The following ABLIM3 variants were observed in gnomAD, a reference collection of about 807,000 sequenced individuals.
The protein encoded by ABLIM3 is actin binding LIM protein family member 3.
ABLIM3 carries 61 observed loss-of-function variants against 109.5 expected under a neutral mutation model. The ratio of observed to expected loss-of-function variants is 0.56; its 90% CI spans 0.45 to 0.69. The LOEUF is 0.69. ABLIM3 is among the 30% of genes least tolerant of loss of function. The pLI is 0.00. For missense variants in ABLIM3, 796 were observed against 889.5 expected, an observed-to-expected ratio of 0.89 and a Z score of 1.34; for synonymous variants, 300 against 324.8, an observed-to-expected ratio of 0.92 and a Z score of 0.82.
chr5:149,237,034 G>A (rs1302197667), intron 10 of ABLIM3, among the ~76,000 whole-genome samples: 1 of 152,160 alleles, frequency 6.6e-6, no homozygotes, highest in Non-Finnish European at 1.5e-5. Flanking sequence ...TCCTCACTCT[G>A]TGGGATCGGA....
intron 14 of ABLIM3, among the ~76,000 whole-genome samples, chr5:149,241,587 T>G (rs1174252553): frequency 6.6e-6 from 1 of 152,156 alleles, no homozygotes; most frequent in Non-Finnish European, 1.5e-5. Flanking sequence ...GGTGAAACGC[T>G]GTCTCTACTA....
At chr5:149,244,038 T>C (rs1753111037) in intron 15 of ABLIM3, 1 of 152,268 alleles carries the variant, frequency 6.6e-6, no homozygotes, top group African/African-American at 2.4e-5. Flanking sequence ...ACAGAGCTTG[T>C]CCCTAAAGCT....
intron 6 of ABLIM3, among the ~76,000 whole-genome samples, chr5:149,209,443 A>G (rs1480527520): frequency 6.6e-6 from 1 of 152,190 alleles, no homozygotes; most frequent in African/African-American, 2.4e-5. Flanking sequence ...ATAAAAATGG[A>G]GAGAAGATGA....
intron 5 of ABLIM3, among the ~76,000 whole-genome samples, chr5:149,202,815 C>G (rs1015361963): frequency 6.6e-6 from 1 of 152,144 alleles, no homozygotes; most frequent in Non-Finnish European, 1.5e-5. Context: ...GAAGAATCAG[C>G]AACAGTAGCA....
chr5:149,170,022 G>T (rs545082684), intron 2 of ABLIM3, among the ~76,000 whole-genome samples: 12 of 152,158 alleles, frequency 7.9e-5, no homozygotes, highest in Non-Finnish European at 1.3e-4. Context: ...GTGCAGGTTT[G>T]TTATATATGT....
intron 6 of ABLIM3, among the ~76,000 whole-genome samples, chr5:149,207,822 A>G (rs764561633): frequency 3.9e-5 from 6 of 152,214 alleles, no homozygotes; most frequent in Non-Finnish European, 7.3e-5. Flanking sequence ...ATGGGTGCAT[A>G]GTTATCCAGA....
chr5:149,233,121 A>C, intron 9 of ABLIM3, 108 bp from the exon 10 acceptor site: 6 of 934,556 alleles, frequency 6.4e-6, no homozygotes, highest in Non-Finnish European at 1.1e-5. Flanking sequence ...GTAGCCAGAG[A>C]GTACTTTAAT....
At chr5:149,233,349 G>C (rs1308019733) in intron 10 of ABLIM3, 49 bp downstream of exon 10, 15 of 1,558,720 alleles carry the variant, frequency 9.6e-6, no homozygotes, top group Non-Finnish European at 1.2e-5. Flanking sequence ...TTCCTGACCT[G>C]GTATATAAAG....
At chr5:149,202,321 G>C (rs1210199461) in intron 5 of ABLIM3, among the ~76,000 whole-genome samples, 1 of 152,212 alleles carries the variant, frequency 6.6e-6, no homozygotes, top group East Asian at 1.9e-4. Flanking sequence ...GTCAAGAGGA[G>C]CAAATGAGCA....
chr5:149,224,796 A>G (rs1396123388), intron 8 of ABLIM3, among the ~76,000 whole-genome samples: 1 of 152,056 alleles, frequency 6.6e-6, no homozygotes, highest in African/African-American at 2.4e-5. Context: ...CTCAAACCAA[A>G]CCTATGAGGC....
In ABLIM3 at chr5:149,250,522, G is replaced by A; in HGVS notation, c.1788+17G>A. The A allele has an allele frequency of 6.2e-7, 1 of 1,614,050 alleles. No individual in the cohort carries two copies. Among genetic ancestry groups the A allele is most frequent in the South Asian group, 1.1e-5 (1 of 91,076 alleles). ...CTGCACAGGGTAAGAAGCTGTGCTG[G>A]AGGATGGGGGAGGACGTTGTCCCCA... On this transcript the variant is annotated intron_variant, in intron 20 of 23. Coordinates refer to ENST00000309868, the MANE Select transcript of ABLIM3 (RefSeq NM_014945.5).
intron 2 of ABLIM3, among the ~76,000 whole-genome samples, chr5:149,163,039 G>T (rs1427998104): frequency 1.3e-5 from 2 of 152,264 alleles, no homozygotes. Context: ...GACAGGCTGG[G>T]CAGGCCAACA....
rs935920465 is a variant in ABLIM3, at chr5:149,197,765, G to T, written c.152-454G>T. Among the ~76,000 whole-genome samples the T allele has an allele frequency of 3.3e-5, 5 of 152,208 alleles. No homozygotes were observed. The South Asian group carries it at 1.0e-3, about 32-fold the overall frequency. On this transcript the variant is annotated intron_variant, in intron 3 of 23. Coordinates refer to ENST00000309868, the MANE Select transcript of ABLIM3 (RefSeq NM_014945.5). ...TTACATTCATATTTCCACCAGCTGT[G>T]TGGCCTTGCGTGAGCCACATGGCAT...
At chr5:149,232,925 C>A (rs926750762) in intron 9 of ABLIM3, among the ~76,000 whole-genome samples, 4 of 152,158 alleles carry the variant, frequency 2.6e-5, no homozygotes, top group Non-Finnish European at 5.9e-5. Context: ...AAAAGAAATA[C>A]ATTATTGACT....
intron 2 of ABLIM3, among the ~76,000 whole-genome samples, chr5:149,147,086 T>TCTCG (rs1753001718): frequency 6.6e-6 from 1 of 151,868 alleles, no homozygotes. Context: ...TCTCTCTCTC[T>TCTCG]CTCGCTCGCT....
chr5:149,173,522 A>C (rs1197557974), intron 2 of ABLIM3, among the ~76,000 whole-genome samples: 1 of 152,116 alleles, frequency 6.6e-6, no homozygotes, highest in African/African-American at 2.4e-5. Context: ...CAAGATGGGA[A>C]AGTGGATGAG....
At chr5:149,233,422 AT>A in intron 10 of ABLIM3, 122 bp downstream of exon 10, 2 of 1,010,402 alleles carry the variant, frequency 2.0e-6, no homozygotes, top group Non-Finnish European at 3.1e-6. Context: ...CATGCTCTTC[AT>A]GTGCTAGGCT....
In ABLIM3 at chr5:149,258,300, T is replaced by C; in HGVS notation, c.1948T>C (p.Ser650Pro). 1 of 1,613,640 alleles carries C rather than the reference T, an allele frequency of 6.2e-7. No homozygotes were observed. Among genetic ancestry groups the C allele is most frequent in the Non-Finnish European group, 8.5e-7 (1 of 1,179,866 alleles). Residue 650 changes from serine to proline, a missense_variant, in exon 24 of 24, where the codon TCC (serine) becomes CCC (proline). By Grantham distance (74) the Ser-to-Pro change is moderately conservative. Coordinates refer to ENST00000309868, the MANE Select transcript of ABLIM3 (RefSeq NM_014945.5). ...VDRTRLERHLSQEEFYQVFGM... is the reference protein window; with the variant it reads ...VDRTRLERHLPQEEFYQVFGM... Reference sequence around the variant, plus strand: ...GCCCTGCCTCCTTCAGCGCCACCTGTCCCAGGAAGAGTTCTACCAAGTCTT... The same window carrying C: ...GCCCTGCCTCCTTCAGCGCCACCTGCCCCAGGAAGAGTTCTACCAAGTCTT...
chr5:149,154,300 A>G (rs1378407807), intron 2 of ABLIM3, among the ~76,000 whole-genome samples: 1 of 152,224 alleles, frequency 6.6e-6, no homozygotes, highest in Non-Finnish European at 1.5e-5. Flanking sequence ...CACAGTCAGC[A>G]TGAGTTGTTC....
Sources: allele counts gnomAD v4.1 joint callset (sites outside exome capture counted in the v4.1 genomes callset), GRCh38; gene constraint gnomAD v4.1.1; transcripts MANE v1.5; gene names NCBI Gene and HGNC (gene_info 2026-07-23, HGNC 2026-07-21).